GRIP1: variants seen among roughly 807,000 people sequenced by gnomAD.
GRIP1 encodes the protein glutamate receptor-interacting protein 1.
Under a neutral mutation model 129.9 loss-of-function variants are expected in GRIP1, and 45 were observed. The ratio of observed to expected loss-of-function variants is 0.35; its 90% CI spans 0.27 to 0.44. The LOEUF is 0.44. Ranked by LOEUF, GRIP1 falls within the 20% of genes least tolerant of loss-of-function variation. GRIP1 has a pLI of 1.00. For synonymous variants in GRIP1, 530 were observed against 520.8 expected (o/e 1.02, Z -0.24); for missense variants, 1,196 against 1,396.8 (o/e 0.86, Z 2.29).
intron 1 of GRIP1, among the ~76,000 whole-genome samples, chr12:66,980,345 G>T: frequency 6.6e-6 from 1 of 152,180 alleles, no homozygotes; most frequent in East Asian, 1.9e-4. Flanking sequence ...AGGCGTGGTG[G>T]TTCACACCTG....
chr12:66,775,411 C>T (rs2037948832), intron 1 of GRIP1, among the ~76,000 whole-genome samples: 1 of 152,156 alleles, frequency 6.6e-6, no homozygotes, highest in Admixed American at 6.5e-5. Flanking sequence ...CCCCTGGCCA[C>T]ATTTCAGGTA....
chr12:67,028,510 A>C (rs1041900574), intron 1 of GRIP1, among the ~76,000 whole-genome samples: 1 of 152,238 alleles, frequency 6.6e-6, no homozygotes, highest in Non-Finnish European at 1.5e-5. Context: ...AAAAGGAAAC[A>C]GCATCCGTGC....
intron 1 of GRIP1, among the ~76,000 whole-genome samples, chr12:66,963,799 A>G (rs193291334): frequency 6.6e-6 from 1 of 152,262 alleles, no homozygotes; most frequent in Non-Finnish European, 1.5e-5. Flanking sequence ...GTCACCACCA[A>G]GTAGACATCT....
At chr12:66,827,383 TGTGTGAGAGAGAGAGA>T (rs1197513210) in intron 1 of GRIP1, among the ~76,000 whole-genome samples, 1 of 110,100 alleles carries the variant, frequency 9.1e-6, no homozygotes, top group Non-Finnish European at 2.0e-5. Context: ...TGTGTGTGTG[TGTGTGAGAGAGAGAGA>T]GAGAGAGAGA....
intron 15 of GRIP1, among the ~76,000 whole-genome samples, chr12:66,418,603 T>C (rs1011390143): frequency 2.6e-5 from 4 of 151,902 alleles, no homozygotes; most frequent in Non-Finnish European, 5.9e-5. Context: ...GAAAAAACAA[T>C]CTAGTAATCC....
rs1166677908 is a variant in GRIP1, at chr12:66,349,259, G to A, written c.3160-13C>T. 2 of 1,581,620 alleles carry A rather than the reference G, an allele frequency of 1.3e-6. No individual in the cohort carries two copies. The highest frequency in any genetic ancestry group is 1.7e-5 in the Admixed American group (1 of 59,982). Reference sequence around the variant, plus strand: ...GGACATGATTCACCTGAAAGGTCAAGAACAGCCATTTTGAATTATCGTTGT... The same window carrying A: ...GGACATGATTCACCTGAAAGGTCAAAAACAGCCATTTTGAATTATCGTTGT... On this transcript the variant is annotated splice_polypyrimidine_tract_variant and intron_variant, in intron 24 of 24. Coordinates refer to ENST00000359742, the MANE Select transcript of GRIP1 (RefSeq NM_001366722.1).
chr12:66,649,292 A>T (rs1311471219), intron 1 of GRIP1, among the ~76,000 whole-genome samples: 2 of 152,230 alleles, frequency 1.3e-5, no homozygotes, highest in African/African-American at 4.8e-5. Flanking sequence ...CCTGAAGAAT[A>T]GACAATATTT....
At chr12:66,686,271 C>T (rs1197617497) in intron 1 of GRIP1, among the ~76,000 whole-genome samples, 1 of 152,072 alleles carries the variant, frequency 6.6e-6, no homozygotes, top group Admixed American at 6.6e-5. Context: ...AACATACAGC[C>T]CAGCTAGTTG....
At chr12:67,058,603 C>A (rs1453710145) in intron 1 of GRIP1, among the ~76,000 whole-genome samples, 1 of 152,142 alleles carries the variant, frequency 6.6e-6, no homozygotes, top group African/African-American at 2.4e-5. Context: ...ATACAAAGGG[C>A]AGATTTCTAG....
At chr12:66,940,074 A>T (rs942909653) in intron 1 of GRIP1, among the ~76,000 whole-genome samples, 5 of 152,142 alleles carry the variant, frequency 3.3e-5, no homozygotes, top group Non-Finnish European at 7.3e-5. Flanking sequence ...CAGACTATGT[A>T]TACCTTTTGG....
At chr12:66,660,570 A>T (rs1034633011) in intron 1 of GRIP1, among the ~76,000 whole-genome samples, 7 of 152,250 alleles carry the variant, frequency 4.6e-5, no homozygotes, top group African/African-American at 1.7e-4. Context: ...ATTTCATGAA[A>T]CCATAAGACT....
intron 1 of GRIP1, among the ~76,000 whole-genome samples, chr12:66,961,622 A>G (rs1267146733): frequency 6.6e-6 from 1 of 152,022 alleles, no homozygotes; most frequent in Admixed American, 6.6e-5. Context: ...TTTTGTTTTA[A>G]TCAGCTGCCT....
chr12:66,369,256 C>T (rs2137264208), intron 23 of GRIP1, among the ~76,000 whole-genome samples: 1 of 152,150 alleles, frequency 6.6e-6, no homozygotes, highest in South Asian at 2.1e-4. Context: ...CACACACTGC[C>T]ACACAGATGT....
intron 1 of GRIP1, among the ~76,000 whole-genome samples, chr12:66,945,012 A>AG (rs376688888): frequency 2.9e-4 from 44 of 152,218 alleles, no homozygotes; most frequent in African/African-American, 9.9e-4. Flanking sequence ...AGGGTGGTCT[A>AG]GAACTCCTGG....
chr12:66,676,605 C>T (rs973580417), intron 1 of GRIP1, among the ~76,000 whole-genome samples: 2 of 151,830 alleles, frequency 1.3e-5, no homozygotes, highest in Admixed American at 6.6e-5. Flanking sequence ...ATGCCTTGTG[C>T]TAAATGTCTG....
At position 66,352,879 on chromosome 12, in the gene GRIP1, C is replaced by G. The variant is rs544558929; in HGVS notation, c.3159+538G>C. Among the ~76,000 whole-genome samples, 3 of 152,308 alleles carry G rather than the reference C, an allele frequency of 2.0e-5. No homozygotes were observed. In the South Asian group the frequency reaches 6.2e-4, roughly 32 times the overall value. On this transcript the variant is annotated intron_variant, in intron 24 of 24. Transcript: ENST00000359742. ...ACTTGGGAGGCCGAGGCAGGAGAAT[C>G]TCTTGAACCTGCAAGGTGGCGGTTG...
At chr12:66,758,293 A>G (rs1345035553) in intron 1 of GRIP1, among the ~76,000 whole-genome samples, 1 of 152,142 alleles carries the variant, frequency 6.6e-6, no homozygotes, top group East Asian at 1.9e-4. Flanking sequence ...CAAAAGCAGA[A>G]GCTCCTGATA....
At chr12:66,818,203 G>A (rs2039257962) in intron 1 of GRIP1, among the ~76,000 whole-genome samples, 1 of 152,042 alleles carries the variant, frequency 6.6e-6, no homozygotes, top group African/African-American at 2.4e-5. Context: ...GAGTTATGCA[G>A]GTCTTCCAAA....
intron 1 of GRIP1, among the ~76,000 whole-genome samples, chr12:66,739,745 AAAT>A (rs2036727518): frequency 6.7e-6 from 1 of 150,200 alleles, no homozygotes; most frequent in South Asian, 2.1e-4. Context: ...ACCTAAAATA[AAAT>A]AAAAAAAAAA....
Sources: allele counts gnomAD v4.1 joint callset (sites outside exome capture counted in the v4.1 genomes callset), GRCh38; gene constraint gnomAD v4.1.1; transcripts MANE v1.5; gene names NCBI Gene and HGNC (gene_info 2026-07-23, HGNC 2026-07-21).